UBE2D3: variants seen among roughly 807,000 people sequenced by gnomAD.
The protein encoded by UBE2D3 is ubiquitin conjugating enzyme E2 D3.
A neutral mutation model predicts 22.8 loss-of-function variants in UBE2D3; 2 were observed. The ratio of observed to expected loss-of-function variants is 0.09; its 90% confidence interval spans 0.04 to 0.28. UBE2D3 has a LOEUF of 0.28. Ranked by LOEUF, UBE2D3 falls within the 10% of genes least tolerant of loss-of-function variation. The pLI is 1.00. For missense variants in UBE2D3, 27 were observed against 182.5 expected, an observed-to-expected ratio of 0.15 and a Z score of 4.91; for synonymous variants, 56 against 60.4, an observed-to-expected ratio of 0.93 and a Z score of 0.34.
intron 2 of UBE2D3, chr4:102,819,487 T>C (rs1467683386): frequency 2.2e-6 from 2 of 895,032 alleles, no homozygotes; most frequent in Non-Finnish European, 2.7e-6. Flanking sequence ...TTCGGTTAAC[T>C]TTCTTTCAAT....
chr4:102,801,705 G>C, intron 5 of UBE2D3, 146 bp from the exon 6 acceptor site: 1 of 632,726 alleles, frequency 1.6e-6, no homozygotes, highest in Non-Finnish European at 2.6e-6. Flanking sequence ...TTTACAATCT[G>C]ACCACAACCC....
At chr4:102,800,139 T>A (rs552568005) in intron 6 of UBE2D3, among the ~76,000 whole-genome samples, 26 of 152,062 alleles carry the variant, frequency 1.7e-4, no homozygotes, top group Non-Finnish European at 3.4e-4. Context: ...CGCATTCACT[T>A]TGAGTGCCTG....
intron 1 of UBE2D3, among the ~76,000 whole-genome samples, chr4:102,848,096 C>G (rs143646126): frequency 6.6e-6 from 1 of 152,310 alleles, no homozygotes; most frequent in Non-Finnish European, 1.5e-5. Flanking sequence ...TAAGTACTTT[C>G]TGTTTCGGAC....
At chr4:102,821,592 C>G (rs577566316) in intron 2 of UBE2D3, among the ~76,000 whole-genome samples, 1 of 131,556 alleles carries the variant, frequency 7.6e-6, no homozygotes, top group Non-Finnish European at 1.6e-5. Flanking sequence ...AAGTCTAAGA[C>G]CCCCATGCAG....
chr4:102,825,608 G>C, intron 2 of UBE2D3: 1 of 1,241,036 alleles, frequency 8.1e-7, no homozygotes, highest in South Asian at 1.3e-5. Flanking sequence ...CTCACTCCCA[G>C]AGCTCCGAAA....
chr4:102,809,891 C>T (rs199924702), intron 2 of UBE2D3, 36 bp from the exon 3 acceptor site: 2 of 1,576,656 alleles, frequency 1.3e-6, no homozygotes, highest in African/African-American at 3.2e-5. Context: ...GTCACATAAG[C>T]TTAATTTAAG....
At chr4:102,854,310 A>G (rs1254817663) in intron 1 of UBE2D3, among the ~76,000 whole-genome samples, 2 of 152,108 alleles carry the variant, frequency 1.3e-5, no homozygotes, top group Non-Finnish European at 2.9e-5. Context: ...TCTTACATGA[A>G]GTATTCTATA....
chr4:102,796,706 TG>T lies in UBE2D3; in HGVS notation c.*708del, dbSNP rs1411068420. On this transcript the variant is annotated 3_prime_UTR_variant, in exon 8 of 8. Transcript: ENST00000453744. Reference sequence around the variant, plus strand: ...TTCAGTGCTATATTAAACAGTGTATTGGAAGATAGATTAACTAATAGCTCCA... The same window carrying T: ...TTCAGTGCTATATTAAACAGTGTATTGAAGATAGATTAACTAATAGCTCCA... 1 of 152,446 alleles carries T rather than the reference TG, an allele frequency of 6.6e-6. No homozygotes were observed. Among genetic ancestry groups the T allele is most frequent in the Non-Finnish European group, 1.5e-5 (1 of 67,896 alleles). 9.4% of individuals were successfully genotyped at this position (152,446 alleles called of 1,614,324 possible).
At chr4:102,797,495 T>TA in intron 7 of UBE2D3, 35 bp from the exon 8 acceptor site, 1 of 1,531,288 alleles carries the variant, frequency 6.5e-7, no homozygotes, top group Non-Finnish European at 9.0e-7. Context: ...AAAGTTAAAA[T>TA]AAAGAATTCC....
intron 2 of UBE2D3, among the ~76,000 whole-genome samples, chr4:102,816,191 T>C (rs556884999): frequency 2.0e-5 from 3 of 152,378 alleles, no homozygotes; most frequent in South Asian, 4.1e-4. Flanking sequence ...GGGTCAGCCA[T>C]CATTAACCAA....
intron 1 of UBE2D3, among the ~76,000 whole-genome samples, chr4:102,844,740 G>T (rs534819345): frequency 6.6e-6 from 1 of 152,186 alleles, no homozygotes; most frequent in South Asian, 2.1e-4. Flanking sequence ...TAGCCAGCCT[G>T]GGCCGGGCGG....
intron 1 of UBE2D3, among the ~76,000 whole-genome samples, chr4:102,852,096 C>T (rs1476499434): frequency 6.6e-6 from 1 of 152,126 alleles, no homozygotes; most frequent in Non-Finnish European, 1.5e-5. Context: ...GCTCCAACTT[C>T]TATGATACGC....
chr4:102,801,603 C>A, intron 5 of UBE2D3, 44 bp from the exon 6 acceptor site: 1 of 1,458,710 alleles, frequency 6.9e-7, no homozygotes, highest in Non-Finnish European at 9.4e-7. Flanking sequence ...TAAAAACAAA[C>A]ATCTTTTAAA....
chr4:102,808,844 TCTA>T (rs1263742227), intron 4 of UBE2D3, among the ~76,000 whole-genome samples: 1 of 152,192 alleles, frequency 6.6e-6, no homozygotes, highest in African/African-American at 2.4e-5. Context: ...ATTCGACTCA[TCTA>T]CTAACTCTAA....
At chr4:102,799,851 G>C (rs1378872831) in intron 6 of UBE2D3, among the ~76,000 whole-genome samples, 1 of 145,728 alleles carries the variant, frequency 6.9e-6, no homozygotes, top group Non-Finnish European at 1.5e-5. Context: ...GGGGACTTTA[G>C]CAAGAATATG....
chr4:102,802,498 T>C (rs1726321399), intron 5 of UBE2D3, 63 bp downstream of exon 5: 2 of 1,362,236 alleles, frequency 1.5e-6, no homozygotes, highest in Non-Finnish European at 2.0e-6. Context: ...CTTCCAAGAA[T>C]GCTCTATTCC....
upstream of UBE2D3, chr4:102,827,867 G>T: frequency 1.0e-6 from 1 of 985,718 alleles, no homozygotes; most frequent in South Asian, 4.7e-5. Flanking sequence ...AGGAGACCAT[G>T]GGAGGAAGGT....
At chr4:102,857,740 C>G (rs1732694792) in intron 1 of UBE2D3, among the ~76,000 whole-genome samples, 1 of 152,188 alleles carries the variant, frequency 6.6e-6, no homozygotes, top group Non-Finnish European at 1.5e-5. Flanking sequence ...CTCGCCTAGG[C>G]TGGAGTGCAG....
At chr4:102,820,379 T>A (rs1175141667) in intron 2 of UBE2D3, among the ~76,000 whole-genome samples, 1 of 152,170 alleles carries the variant, frequency 6.6e-6, no homozygotes, top group Non-Finnish European at 1.5e-5. Flanking sequence ...CTCCAAATAG[T>A]CCCTTTAAAA....
Sources: allele counts gnomAD v4.1 joint callset (sites outside exome capture counted in the v4.1 genomes callset), GRCh38; gene constraint gnomAD v4.1.1; transcripts MANE v1.5; gene names NCBI Gene and HGNC (gene_info 2026-07-23, HGNC 2026-07-21).